The following INSL5 variants were observed in gnomAD, a reference collection of about 807,000 sequenced individuals.
INSL5 encodes the protein insulin like 5, also known as insulin-like peptide INSL5.
INSL5 carries 3 observed loss-of-function variants against 4.3 expected under a neutral mutation model. That is an observed-to-expected ratio of 0.70 (90% CI 0.32 to 1.82). The LOEUF (loss-of-function observed/expected upper bound fraction) is 1.82. Ranked by LOEUF, INSL5 falls within the 40% of genes most tolerant of loss-of-function variation. The probability of loss-of-function intolerance (pLI) is 0.08; values close to 1 mark genes in which losing one functional copy is unlikely to be tolerated. For synonymous variants in INSL5, 68 were observed against 56.6 expected (o/e 1.20, Z -0.90); for missense variants, 168 against 160.9 (o/e 1.04, Z -0.24).
chr1:66,799,882 C>T (rs1267130401), intron 1 of INSL5, among the ~76,000 whole-genome samples: 1 of 151,994 alleles, frequency 6.6e-6, no homozygotes, highest in Non-Finnish European at 1.5e-5. Context: ...GACCCCACCT[C>T]TACAAAATAT....
At chr1:66,798,883 G>A (rs528949279) in intron 1 of INSL5, among the ~76,000 whole-genome samples, 2 of 152,160 alleles carry the variant, frequency 1.3e-5, no homozygotes, top group Non-Finnish European at 2.9e-5. Context: ...GAGAAAGATT[G>A]AATAATAAGT....
intron 1 of INSL5, among the ~76,000 whole-genome samples, chr1:66,798,589 TAAAC>T (rs1645356728): frequency 6.6e-6 from 1 of 151,398 alleles, no homozygotes. Flanking sequence ...AAAAAACACA[TAAAC>T]AAAAAAAAAC....
Position 66,797,865 on chromosome 1 carries a change from C to T in INSL5, c.*148G>A, listed in dbSNP as rs1645352460. 6.6e-6 allele frequency: 4 copies of T among 607,880 alleles called. No individual in the cohort carries two copies. Among genetic ancestry groups the T allele is most frequent in the Non-Finnish European group, 1.2e-5 (4 of 343,926 alleles). 37.7% of individuals were successfully genotyped at this position (607,880 alleles called of 1,614,324 possible). A position where few individuals can be genotyped will look rare whatever the true frequency, so the allele number is the denominator to read the frequency against. Reference sequence around the variant, plus strand: ...AAAATAGAGATCACTGTGGTTTCAACCGCTCAGCTATACCTTTTAGAAAAG... The same window carrying T: ...AAAATAGAGATCACTGTGGTTTCAATCGCTCAGCTATACCTTTTAGAAAAG... On this transcript the variant is annotated 3_prime_UTR_variant, in exon 2 of 2. Coordinates refer to ENST00000304526, the MANE Select transcript of INSL5 (RefSeq NM_005478.6).
chr1:66,797,890 G>T lies in INSL5; in HGVS notation c.*123C>A. The T allele has an allele frequency of 1.5e-6, 1 of 676,440 alleles. No individual in the cohort carries two copies. Among genetic ancestry groups the T allele is most frequent in the Non-Finnish European group, 2.5e-6 (1 of 394,572 alleles). 41.9% of individuals were successfully genotyped at this position (676,440 alleles called of 1,614,324 possible). On this transcript the variant is annotated 3_prime_UTR_variant, in exon 2 of 2. Coordinates refer to ENST00000304526, the MANE Select transcript of INSL5 (RefSeq NM_005478.6). ...CCGCTCAGCTATACCTTTTAGAAAA[G>T]AAGTTTTGCCTACCCAAAAGCCATC... is the stretch of plus-strand genomic sequence containing the variant.
intron 1 of INSL5, among the ~76,000 whole-genome samples, chr1:66,799,974 A>G (rs1196093302): frequency 6.6e-6 from 1 of 152,072 alleles, no homozygotes; most frequent in Non-Finnish European, 1.5e-5. Flanking sequence ...ACTTGAGTGC[A>G]GGGGTTTGAG....
chr1:66,799,523 A>G (rs1386287576), intron 1 of INSL5, among the ~76,000 whole-genome samples: 1 of 152,188 alleles, frequency 6.6e-6, no homozygotes, highest in Non-Finnish European at 1.5e-5. Context: ...CAAGAAGTCT[A>G]TTGTACAACA....
intron 1 of INSL5, among the ~76,000 whole-genome samples, chr1:66,800,059 T>G (rs1645364846): frequency 1.3e-5 from 2 of 152,026 alleles, no homozygotes; most frequent in Admixed American, 1.3e-4. Context: ...AATAAATAAA[T>G]AAATAAAAAT....
At chr1:66,800,818 C>A (rs1420295907) in intron 1 of INSL5, among the ~76,000 whole-genome samples, 1 of 152,108 alleles carries the variant, frequency 6.6e-6, no homozygotes, top group Non-Finnish European at 1.5e-5. Flanking sequence ...TAAATGATTT[C>A]AAGCAGGGGA....
At chr1:66,800,957 A>T (rs1645371949) in intron 1 of INSL5, 90 bp downstream of exon 1, 7 of 980,004 alleles carry the variant, frequency 7.1e-6, no homozygotes, top group Admixed American at 2.4e-5. Flanking sequence ...TTAGAGAAAC[A>T]CTTAATAAAA....
chr1:66,799,283 T>A (rs1645359552), intron 1 of INSL5, among the ~76,000 whole-genome samples: 1 of 152,244 alleles, frequency 6.6e-6, no homozygotes, highest in Non-Finnish European at 1.5e-5. Flanking sequence ...CATTTTTCCT[T>A]TTTAACTTTT....
At chr1:66,800,216 G>T (rs1020560440) in intron 1 of INSL5, among the ~76,000 whole-genome samples, 6 of 151,992 alleles carry the variant, frequency 3.9e-5, no homozygotes, top group Non-Finnish European at 8.8e-5. Context: ...AAAGACATTT[G>T]GTTCATTTCT....
At position 66,801,180 on chromosome 1, in the gene INSL5, T is replaced by A; in HGVS notation, c.42A>T (p.Leu14=). Reference sequence around the variant, plus strand: ...TGCTCCGCACTTCTGAGATGGCAAATAGGACAGAGAATAAAAACAGAGTGA... The same window carrying A: ...TGCTCCGCACTTCTGAGATGGCAAAAAGGACAGAGAATAAAAACAGAGTGA... ...SIFTLFLFSV[L]FAISEVRSKE... The change falls in exon 1 of 2, where the codon CTA becomes CTT. Residue 14 remains leucine (L), a synonymous_variant. Transcript: ENST00000304526. 6.2e-7 allele frequency: 1 copy of A among 1,613,602 alleles called. No homozygotes were observed. Among genetic ancestry groups the A allele is most frequent in the Non-Finnish European group, 8.5e-7 (1 of 1,179,594 alleles).
chr1:66,798,743 AT>A (rs1645357463), intron 1 of INSL5, among the ~76,000 whole-genome samples: 1 of 152,208 alleles, frequency 6.6e-6, no homozygotes, highest in Non-Finnish European at 1.5e-5. Flanking sequence ...TCTCACTTTA[AT>A]TTAGTTCAAA....
chr1:66,800,486 A>G (rs1014626032), intron 1 of INSL5, among the ~76,000 whole-genome samples: 1 of 152,046 alleles, frequency 6.6e-6, no homozygotes, highest in Non-Finnish European at 1.5e-5. Flanking sequence ...ACCTAACCAC[A>G]TTTTCACCAG....
rs1557882371 is a variant in INSL5, at chr1:66,801,093, G to C, written c.129C>G (p.Ser43Arg). 1.2e-6 allele frequency: 2 copies of C among 1,613,780 alleles called. No homozygotes were observed. The highest frequency in any genetic ancestry group is 2.7e-5 in the African/African-American group (2 of 75,052). Residue 43 changes from serine (S) to arginine (R), a missense_variant, in exon 1 of 2, where the codon AGC becomes AGG. Transcript: ENST00000304526. ...CCTCCTGATGCCTTCTCCACCTGGA[G>C]CTAGCACAGATATAGATGACTGTCC... ...YIRTVIYICASSRWRRHQEGI... is the reference protein window; with the variant it reads ...YIRTVIYICARSRWRRHQEGI...
intron 1 of INSL5, among the ~76,000 whole-genome samples, chr1:66,800,728 G>C (rs933861142): frequency 1.3e-5 from 2 of 152,068 alleles, no homozygotes; most frequent in Non-Finnish European, 2.9e-5. Flanking sequence ...ACTTCAACAC[G>C]CTCCTTGAAA....
chr1:66,800,162 A>G (rs1645365662), intron 1 of INSL5, among the ~76,000 whole-genome samples: 1 of 152,232 alleles, frequency 6.6e-6, no homozygotes, highest in Non-Finnish European at 1.5e-5. Context: ...AGTTGAATTG[A>G]ATAATAAAGA....
At position 66,798,471 on chromosome 1, in the gene INSL5, A is replaced by G. The variant is rs147153238; in HGVS notation, c.176-226T>C. ...CAGAGGCAGAAACTTGAGTGCAAAG[A>G]TGAGGAGTGACAGTCAGTGTTGCTC... On this transcript the variant is annotated intron_variant, in intron 1 of 1. Coordinates refer to ENST00000304526, the MANE Select transcript of INSL5 (RefSeq NM_005478.6). Among the ~76,000 whole-genome samples, 84 of 152,302 alleles carry G rather than the reference A, an allele frequency of 5.5e-4. 1 individual carries two copies. The East Asian group carries it at 0.012, about 22-fold the overall frequency.
At position 66,798,079 on chromosome 1, in the gene INSL5, T is replaced by A. The variant is rs1034742236; in HGVS notation, c.342A>T (p.Arg114Ser). 6.2e-7 allele frequency: 1 copy of A among 1,614,148 alleles called. No homozygotes were observed. Residue 114 changes from arginine (R) to serine (S), a missense_variant, in exon 2 of 2, where the codon AGA becomes AGT. Transcript: ENST00000304526. Reference sequence around the variant, plus strand: ...TGCAACACAAAGTTTGTAAATCTTGTCTTGACATCACTGAATGCTTCTTTG... The same window carrying A: ...TGCAACACAAAGTTTGTAAATCTTGACTTGACATCACTGAATGCTTCTTTG... ...WKSKKHSVMS[R>S]QDLQTLCCTD... is the part of the protein sequence containing the mutation.
Sources: allele counts gnomAD v4.1 joint callset (sites outside exome capture counted in the v4.1 genomes callset), GRCh38; gene constraint gnomAD v4.1.1; transcripts MANE v1.5; gene names NCBI Gene and HGNC (gene_info 2026-07-23, HGNC 2026-07-21).